CSNK2A2IP: variants seen among roughly 807,000 people sequenced by gnomAD.
CSNK2A2IP encodes casein kinase II subunit alpha'-interacting protein.
the CSNK2A2IP span, among the ~76,000 whole-genome samples, chr3:88,438,437 G>T: frequency 1.3e-5 from 2 of 152,056 alleles, no homozygotes; most frequent in Admixed American, 6.6e-5. Context: ...ACATTTTATG[G>T]CATAGAGCCA....
At chr3:88,453,644 G>A in the CSNK2A2IP span, among the ~76,000 whole-genome samples, 1 of 151,972 alleles carries the variant, frequency 6.6e-6, no homozygotes. Flanking sequence ...TTGCCTCATT[G>A]TACCCTGTAC....
At chr3:88,396,718 A>G in the CSNK2A2IP span, among the ~76,000 whole-genome samples, 1 of 152,228 alleles carries the variant, frequency 6.6e-6, no homozygotes, top group Non-Finnish European at 1.5e-5. Context: ...CCAAATCTCT[A>G]TTCTAAATGG....
At chr3:88,383,674 T>TG in the CSNK2A2IP span, among the ~76,000 whole-genome samples, 26,954 of 71,886 alleles carry the variant, frequency 0.37, 2,285 homozygotes, top group South Asian at 0.49. Context: ...TTTTTTTTTT[T>TG]GGGACGGAGT....
At chr3:88,418,776 T>C in the CSNK2A2IP span, among the ~76,000 whole-genome samples, 1 of 152,164 alleles carries the variant, frequency 6.6e-6, no homozygotes, top group Non-Finnish European at 1.5e-5. Context: ...ATTTACCTGA[T>C]AGGTCAAGGG....
At chr3:88,456,051 A>G in the CSNK2A2IP span, among the ~76,000 whole-genome samples, 1 of 151,946 alleles carries the variant, frequency 6.6e-6, no homozygotes, top group Non-Finnish European at 1.5e-5. Context: ...AATCTGTTCC[A>G]TTAGCTTATG....
chr3:88,383,077 C>T, the CSNK2A2IP span, among the ~76,000 whole-genome samples: 1 of 150,516 alleles, frequency 6.6e-6, no homozygotes, highest in East Asian at 2.0e-4. Flanking sequence ...TCTTCCTCCT[C>T]CCCTCTCTTC....
At chr3:88,393,276 A>C in the CSNK2A2IP span, among the ~76,000 whole-genome samples, 2 of 152,218 alleles carry the variant, frequency 1.3e-5, no homozygotes, top group Non-Finnish European at 2.9e-5. Context: ...AGACTGTTAC[A>C]TTTTTTGATG....
the CSNK2A2IP span, among the ~76,000 whole-genome samples, chr3:88,404,074 T>C: frequency 6.6e-6 from 1 of 151,978 alleles, no homozygotes. Flanking sequence ...AATGAATGTT[T>C]AAGTAGCTAG....
chr3:88,377,966 G>A, the CSNK2A2IP span, among the ~76,000 whole-genome samples: 5 of 151,792 alleles, frequency 3.3e-5, no homozygotes, highest in African/African-American at 4.8e-5. Flanking sequence ...GTGCTAATGA[G>A]ATATGATTTT....
chr3:88,385,404 A>T, the CSNK2A2IP span, among the ~76,000 whole-genome samples: 2 of 152,210 alleles, frequency 1.3e-5, no homozygotes, highest in African/African-American at 4.8e-5. Context: ...CCTTGAAATG[A>T]GGAATGTAAG....
At chr3:88,456,280 G>A in the CSNK2A2IP span, among the ~76,000 whole-genome samples, 1 of 151,932 alleles carries the variant, frequency 6.6e-6, no homozygotes, top group Non-Finnish European at 1.5e-5. Context: ...TAGATTTTTT[G>A]GGTAGTTTGA....
chr3:88,420,109 T>C, the CSNK2A2IP span, among the ~76,000 whole-genome samples: 3 of 152,148 alleles, frequency 2.0e-5, no homozygotes, highest in African/African-American at 7.2e-5. Flanking sequence ...TTTTTCAATA[T>C]CTCTCCAGGT....
chr3:88,361,892 A>T, the CSNK2A2IP span, among the ~76,000 whole-genome samples: 1 of 151,892 alleles, frequency 6.6e-6, no homozygotes, highest in Non-Finnish European at 1.5e-5. Context: ...AGAGACTCTG[A>T]TGCATTTCTC....
At chr3:88,350,537 T>C in the CSNK2A2IP span, among the ~76,000 whole-genome samples, 1 of 151,908 alleles carries the variant, frequency 6.6e-6, no homozygotes, top group Non-Finnish European at 1.5e-5. Flanking sequence ...GAAACTTACT[T>C]TATTGCACTG....
At chr3:88,446,563 CT>C in the CSNK2A2IP span, among the ~76,000 whole-genome samples, 1 of 152,130 alleles carries the variant, frequency 6.6e-6, no homozygotes, top group African/African-American at 2.4e-5. Context: ...ACAGTGAATG[CT>C]TTTCTTTCAT....
the CSNK2A2IP span, among the ~76,000 whole-genome samples, chr3:88,459,304 GATAATT>G: frequency 3.9e-5 from 6 of 152,146 alleles, no homozygotes; most frequent in African/African-American, 1.4e-4. Flanking sequence ...AATTTTTAGA[GATAATT>G]ATATATGAAG....
At chr3:88,391,020 T>C in the CSNK2A2IP span, among the ~76,000 whole-genome samples, 1 of 152,224 alleles carries the variant, frequency 6.6e-6, no homozygotes, top group African/African-American at 2.4e-5. Context: ...TCAGCTATTT[T>C]CTAGCAGTGT....
chr3:88,447,133 C>T, the CSNK2A2IP span, among the ~76,000 whole-genome samples: 1 of 151,990 alleles, frequency 6.6e-6, no homozygotes, highest in African/African-American at 2.4e-5. Context: ...ATAATGAGTA[C>T]TTACACTCAT....
chr3:88,406,539 A>G, the CSNK2A2IP span, among the ~76,000 whole-genome samples: 1 of 152,312 alleles, frequency 6.6e-6, no homozygotes, highest in East Asian at 1.9e-4. Flanking sequence ...ACATTCAATG[A>G]TCAGATCTTA....
Sources: gnomAD v4.1 joint callset for allele counts (sites outside exome capture counted in the v4.1 genomes callset) on GRCh38, gnomAD v4.1.1 for gene constraint, MANE v1.5 for transcripts, NCBI Gene and HGNC (gene_info 2026-07-23, HGNC 2026-07-21) for gene names.